Variants in CCDC170 observed in about 807,000 individuals in gnomAD.
The protein encoded by CCDC170 is coiled-coil domain-containing protein 170.
CCDC170 carries 69 observed loss-of-function variants against 72.6 expected under a neutral mutation model. The observed-to-expected ratio is 0.95, with a 90% CI of 0.78 to 1.16. The LOEUF (loss-of-function observed/expected upper bound fraction) is 1.16. Ranked by LOEUF, CCDC170 falls within the 50% of genes most tolerant of loss-of-function variation. The pLI, the probability that CCDC170 is intolerant of heterozygous loss-of-function variation, is 0.00. For missense variants in CCDC170, 852 were observed against 832.5 expected (o/e 1.02, Z -0.29); for synonymous variants, 300 against 303.9 (o/e 0.99, Z 0.13).
chr6:151,540,760 G>A (rs1396916685), intron 3 of CCDC170, among the ~76,000 whole-genome samples: 3 of 151,788 alleles, frequency 2.0e-5, no homozygotes, highest in Non-Finnish European at 4.4e-5. Flanking sequence ...CCTCCCAAAG[G>A]CCCAACCTCC....
At chr6:151,599,909 A>G (rs1776678607) in intron 9 of CCDC170, among the ~76,000 whole-genome samples, 1 of 152,230 alleles carries the variant, frequency 6.6e-6, no homozygotes, top group African/African-American at 2.4e-5. Context: ...TAGGAAAGTA[A>G]ATAAAGTTGG....
chr6:151,518,057 G>T (rs1268552536), intron 1 of CCDC170, among the ~76,000 whole-genome samples: 1 of 152,074 alleles, frequency 6.6e-6, no homozygotes, highest in African/African-American at 2.4e-5. Flanking sequence ...TAGCAAGGTG[G>T]GGCCTTGCCT....
At chr6:151,573,111 C>T in intron 5 of CCDC170, 63 bp from the exon 6 acceptor site, 1 of 1,445,032 alleles carries the variant, frequency 6.9e-7, no homozygotes, top group East Asian at 2.3e-5. Flanking sequence ...TTTGCCATAG[C>T]AAATGCAGGT....
rs145616396 is a variant in CCDC170 at position 151,510,122 on chromosome 6, A to G, written c.57+15937A>G. On this transcript the variant is annotated intron_variant, in intron 1 of 10. Coordinates refer to ENST00000239374, the MANE Select transcript of CCDC170 (RefSeq NM_025059.4). ...AGAAAGAGACTCCGTCTCAAAAACA[A>G]ACAAGCCCATAAAACAAATAAACAA... Among the ~76,000 whole-genome samples the G allele has an allele frequency of 6.4e-3, 981 of 152,296 alleles. 4 individuals are homozygous for G. The highest frequency in any genetic ancestry group is 8.5e-3 in the Non-Finnish European group (575 of 68,028).
At chr6:151,574,747 A>G (rs892285723) in intron 6 of CCDC170, among the ~76,000 whole-genome samples, 5 of 152,190 alleles carry the variant, frequency 3.3e-5, no homozygotes, top group South Asian at 4.1e-4. Context: ...GGATTTTGGA[A>G]TTACAGATAA....
Position 151,615,479 on chromosome 6 carries a change from C to G in CCDC170, c.1747C>G (p.Leu583Val). 6.2e-7 allele frequency: 1 copy of G among 1,613,998 alleles called. No individual in the cohort carries two copies. The highest frequency in any genetic ancestry group is 8.5e-7 in the Non-Finnish European group (1 of 1,179,938). Residue 583 changes from leucine to valine, a missense_variant, in exon 10 of 11, where the codon CTA becomes GTA. Physicochemically the swap from Leu to Val is conservative, Grantham distance 32. Coordinates refer to ENST00000239374, the MANE Select transcript of CCDC170 (RefSeq NM_025059.4). ...GGAACAGACTAAAGCCATTGAAGAT[C>G]TAAACAAATCCAGAGACCAACTGGA... ...TLEQTKAIEDLNKSRDQLEKM... is the reference protein window; with the variant it reads ...TLEQTKAIEDVNKSRDQLEKM...
chr6:151,549,272 G>A (rs999636366), intron 5 of CCDC170, among the ~76,000 whole-genome samples: 12 of 152,058 alleles, frequency 7.9e-5, no homozygotes, highest in Admixed American at 7.9e-4. Flanking sequence ...CTGGCCTCAA[G>A]TGATCTGCCC....
At chr6:151,566,174 G>C (rs1776134328) in intron 5 of CCDC170, among the ~76,000 whole-genome samples, 1 of 152,158 alleles carries the variant, frequency 6.6e-6, no homozygotes, top group South Asian at 2.1e-4. Context: ...ATTTGGGGAA[G>C]GTCTTCCTCA....
In CCDC170 at chr6:151,593,151, C is replaced by G. The variant is rs766787889; in HGVS notation, c.1338C>G (p.Asp446Glu). ...AGCTTTCTCAGAAAATGAAGTTGGA[C>G]CAGATGGCTGCCGAACTTGGCTTTG... is the stretch of plus-strand genomic sequence containing the variant. ...LDQLSQKMKL[D>E]QMAAELGFDM... is the part of the protein sequence containing the mutation. The change falls in exon 8 of 11, where the codon GAC becomes GAG. Residue 446 changes from aspartate (D) to glutamate (E), a missense_variant. Coordinates refer to ENST00000239374, the MANE Select transcript of CCDC170 (RefSeq NM_025059.4). 2.1e-5 allele frequency: 34 copies of G among 1,614,000 alleles called. 1 individual carries two copies. Among genetic ancestry groups the G allele is most frequent in the South Asian group, 1.8e-4 (16 of 91,080 alleles).
At chr6:151,559,921 A>G (rs998632662) in intron 5 of CCDC170, among the ~76,000 whole-genome samples, 10 of 108,654 alleles carry the variant, frequency 9.2e-5, no homozygotes, top group Admixed American at 2.7e-4. Flanking sequence ...TCATCCTTTT[A>G]TATTTTTTTG....
intron 6 of CCDC170, among the ~76,000 whole-genome samples, chr6:151,578,975 T>C (rs1776343870): frequency 6.6e-6 from 1 of 152,166 alleles, no homozygotes; most frequent in African/African-American, 2.4e-5. Context: ...TTTTAGGGCA[T>C]TATGACTTTA....
intron 1 of CCDC170, among the ~76,000 whole-genome samples, chr6:151,535,658 G>T (rs1028089429): frequency 2.0e-5 from 3 of 152,176 alleles, no homozygotes; most frequent in Non-Finnish European, 2.9e-5. Context: ...ATGTAGCATT[G>T]TTCTTCTCTG....
At chr6:151,502,250 G>T (rs1242542967) in intron 1 of CCDC170, among the ~76,000 whole-genome samples, 1 of 152,150 alleles carries the variant, frequency 6.6e-6, no homozygotes, top group Admixed American at 6.6e-5. Flanking sequence ...TCCAGGCTGT[G>T]TGCAGAGCAA....
intron 6 of CCDC170, among the ~76,000 whole-genome samples, chr6:151,579,259 G>C (rs569816204): frequency 5.9e-5 from 9 of 152,224 alleles, no homozygotes; most frequent in Non-Finnish European, 1.2e-4. Context: ...ACAAGTTTAC[G>C]GTTTTGGTGG....
rs1029516817 is a variant in CCDC170 at position 151,494,179 on chromosome 6, G to T, written c.51G>T (p.Ala17=). ...TCGCGCTGGGTGCCGCTTCGCCAGC[G>T]CCCGAGGTACGGTCCCAGCCGCCGG... ...SHIALGAASP[A]PEETYDHLSE... is the part of the protein sequence containing the mutation. Residue 17 remains alanine, a synonymous_variant, in exon 1 of 11, where the codon GCG becomes GCT. Coordinates refer to ENST00000239374, the MANE Select transcript of CCDC170 (RefSeq NM_025059.4). 5.9e-6 allele frequency: 9 copies of T among 1,515,220 alleles called. No individual in the cohort carries two copies. In the Admixed American group the frequency reaches 1.7e-4, roughly 28 times the overall value. The allele number at this position is 1,515,220 out of a possible 1,614,324, so 93.9% of individuals were successfully genotyped here.
intron 9 of CCDC170, among the ~76,000 whole-genome samples, chr6:151,613,940 T>C (rs1776916215): frequency 1.3e-5 from 2 of 152,210 alleles, no homozygotes; most frequent in Admixed American, 1.3e-4. Context: ...AGCCACATCA[T>C]TTTACATACC....
chr6:151,575,525 CTTTTTT>C (rs869185539), intron 6 of CCDC170, among the ~76,000 whole-genome samples: 32 of 79,670 alleles, frequency 4.0e-4, no homozygotes, highest in Non-Finnish European at 6.1e-4. Flanking sequence ...TCTTTTCTTT[CTTTTTT>C]TTTTTTTTTT....
In CCDC170 at chr6:151,565,077, G is replaced by A. The variant is rs555836003; in HGVS notation, c.775-8097G>A. On this transcript the variant is annotated intron_variant, in intron 5 of 10. Coordinates refer to ENST00000239374, the MANE Select transcript of CCDC170 (RefSeq NM_025059.4). ...GGACACTTGTATATGTGCGATGGTG[G>A]CCTGCTGTTAGTGGGGTGGGGTTGC... 2.0e-3 allele frequency among the ~76,000 whole-genome samples: 300 copies of A among 152,266 alleles called. 2 individuals carry two copies. Among genetic ancestry groups the A allele is most frequent in the African/African-American group, 6.9e-3 (287 of 41,542 alleles).
chr6:151,552,779 CTTTTTTTTT>C (rs71014597), intron 5 of CCDC170, among the ~76,000 whole-genome samples: 7 of 56,768 alleles, frequency 1.2e-4, no homozygotes, highest in African/African-American at 4.7e-4. Context: ...TCAGCCAATT[CTTTTTTTTT>C]TTTTTTTTTT....
Sources: allele counts gnomAD v4.1 joint callset (sites outside exome capture counted in the v4.1 genomes callset), GRCh38; gene constraint gnomAD v4.1.1; transcripts MANE v1.5; gene names NCBI Gene and HGNC (gene_info 2026-07-23, HGNC 2026-07-21).